LRRC4C: variants seen among roughly 807,000 people sequenced by gnomAD.
The protein encoded by LRRC4C is leucine rich repeat containing 4C.
LRRC4C carries 5 observed loss-of-function variants against 33.6 expected under a neutral mutation model. That is an observed-to-expected ratio of 0.15 (90% CI 0.08 to 0.31). The LOEUF (loss-of-function observed/expected upper bound fraction) is 0.31. Ranked by LOEUF, LRRC4C falls within the 10% of genes least tolerant of loss-of-function variation. The probability of loss-of-function intolerance (pLI) is 1.00; values close to 1 mark genes in which losing one functional copy is unlikely to be tolerated. For synonymous variants in LRRC4C, 329 were observed against 302.0 expected (o/e 1.09, Z -0.93); for missense variants, 560 against 796.7 (o/e 0.70, Z 3.58).
intron 1 of LRRC4C, among the ~76,000 whole-genome samples, chr11:40,979,860 C>T (rs889132031): frequency 6.6e-6 from 1 of 152,136 alleles, no homozygotes; most frequent in East Asian, 1.9e-4. Flanking sequence ...ATTATCTCTG[C>T]TTTTCTTGAT....
intron 1 of LRRC4C, among the ~76,000 whole-genome samples, chr11:41,268,107 G>A (rs2136806172): frequency 6.6e-6 from 1 of 152,132 alleles, no homozygotes; most frequent in African/African-American, 2.4e-5. Context: ...ACTAACACCT[G>A]GCTACACTAC....
intron 3 of LRRC4C, among the ~76,000 whole-genome samples, chr11:40,524,719 T>G (rs1443361224): frequency 6.6e-6 from 1 of 152,214 alleles, no homozygotes; most frequent in Non-Finnish European, 1.5e-5. Flanking sequence ...TCATTCAATT[T>G]GTTTGTTCAT....
intron 1 of LRRC4C, among the ~76,000 whole-genome samples, chr11:41,442,605 G>A (rs569302830): frequency 1.3e-5 from 2 of 151,194 alleles, no homozygotes; most frequent in African/African-American, 4.9e-5. Flanking sequence ...GAGTAGCTGG[G>A]ACTACAGGCG....
intron 4 of LRRC4C, among the ~76,000 whole-genome samples, chr11:40,278,392 G>C (rs1470533794): frequency 2.0e-5 from 3 of 152,138 alleles, no homozygotes; most frequent in African/African-American, 7.2e-5. Flanking sequence ...CTATGGCCGG[G>C]ACAAGTGACC....
rs530050804 is a variant in LRRC4C at position 41,409,525 on chromosome 11, G to T, written c.-496+49906C>A. Among the ~76,000 whole-genome samples the T allele has an allele frequency of 1.0e-3, 157 of 152,130 alleles. 6 individuals are homozygous for T. The South Asian group carries it at 0.031, about 30-fold the overall frequency. On this transcript the variant is annotated intron_variant, in intron 1 of 6. Transcript: ENST00000528697. ...CAACATTATGAGAATTTACTATTGGGTTCCCTATTTTACAACTGATGAAAC... is the reference window on the plus strand; with the variant it reads ...CAACATTATGAGAATTTACTATTGGTTTCCCTATTTTACAACTGATGAAAC...
intron 2 of LRRC4C, among the ~76,000 whole-genome samples, chr11:40,741,426 T>A (rs10837492): frequency 6.6e-6 from 1 of 151,936 alleles, no homozygotes; most frequent in Non-Finnish European, 1.5e-5. Flanking sequence ...ACTGGATGCC[T>A]GAACAGCGCA....
rs116133342 is a variant in LRRC4C, at chr11:40,624,505, A to G, written c.-270+23637T>C. On this transcript the variant is annotated intron_variant, in intron 3 of 6. Coordinates refer to ENST00000528697, the MANE Select transcript of LRRC4C (RefSeq NM_001258419.2). Reference sequence around the variant, plus strand: ...AGCAATCATTGATAGATACCAAGTCAGTCTTAATGTGCCCCAAATGGTTTC... The same window carrying G: ...AGCAATCATTGATAGATACCAAGTCGGTCTTAATGTGCCCCAAATGGTTTC... Among the ~76,000 whole-genome samples, 413 of 152,256 alleles carry G rather than the reference A, an allele frequency of 2.7e-3. 1 individual carries two copies. Among genetic ancestry groups the G allele is most frequent in the African/African-American group, 9.4e-3 (391 of 41,548 alleles).
At chr11:40,322,691 T>G (rs1945911969) in intron 3 of LRRC4C, among the ~76,000 whole-genome samples, 1 of 152,112 alleles carries the variant, frequency 6.6e-6, no homozygotes, top group Non-Finnish European at 1.5e-5. Context: ...GAAAAGTGGC[T>G]TCATCTTTCT....
intron 4 of LRRC4C, among the ~76,000 whole-genome samples, chr11:40,300,321 G>A (rs1397218137): frequency 6.6e-6 from 1 of 152,144 alleles, no homozygotes; most frequent in Non-Finnish European, 1.5e-5. Context: ...TATCAGAAAC[G>A]CTAATGTGTT....
chr11:40,696,225 C>G (rs1945503282), intron 2 of LRRC4C, among the ~76,000 whole-genome samples: 1 of 143,744 alleles, frequency 7.0e-6, no homozygotes, highest in African/African-American at 2.6e-5. Context: ...ATGAATTAGC[C>G]AACAACTTCA....
At chr11:40,527,450 A>C (rs1956099058) in intron 3 of LRRC4C, among the ~76,000 whole-genome samples, 1 of 152,190 alleles carries the variant, frequency 6.6e-6, no homozygotes, top group African/African-American at 2.4e-5. Flanking sequence ...TGATGTAAGA[A>C]AGTGAAAAAA....
At chr11:41,393,202 T>A (rs1014180491) in intron 1 of LRRC4C, among the ~76,000 whole-genome samples, 2 of 151,856 alleles carry the variant, frequency 1.3e-5, no homozygotes, top group Admixed American at 6.6e-5. Context: ...TTCTTATACA[T>A]CAAAATTAAT....
intron 1 of LRRC4C, among the ~76,000 whole-genome samples, chr11:41,428,997 C>T (rs539796470): frequency 4.5e-4 from 69 of 152,194 alleles, no homozygotes; most frequent in South Asian, 3.7e-3. Context: ...TTGGCTGTGT[C>T]CCCAGTCAAA....
At chr11:41,203,049 G>A (rs1295647956) in intron 1 of LRRC4C, among the ~76,000 whole-genome samples, 9 of 152,198 alleles carry the variant, frequency 5.9e-5, no homozygotes, top group Non-Finnish European at 1.0e-4. Context: ...GCCTCCCAAG[G>A]TGCTGGGATA....
intron 1 of LRRC4C, among the ~76,000 whole-genome samples, chr11:41,186,833 G>A (rs547741147): frequency 6.6e-6 from 1 of 152,220 alleles, no homozygotes; most frequent in East Asian, 1.9e-4. Flanking sequence ...AGTCACGTGT[G>A]CCTTGTTTCC....
chr11:40,802,871 A>G (rs181017742), intron 2 of LRRC4C, among the ~76,000 whole-genome samples: 1 of 152,366 alleles, frequency 6.6e-6, no homozygotes, highest in African/African-American at 2.4e-5. Flanking sequence ...GACATTGCCC[A>G]TCACAGTGGT....
intron 1 of LRRC4C, among the ~76,000 whole-genome samples, chr11:41,428,596 TTGAG>T (rs1365625439): frequency 3.3e-5 from 5 of 152,094 alleles, no homozygotes; most frequent in Admixed American, 3.3e-4. Flanking sequence ...ACAGAAAGGT[TTGAG>T]TGGCTGCTTG....
intron 5 of LRRC4C, among the ~76,000 whole-genome samples, chr11:40,190,359 G>A (rs1158772340): frequency 6.6e-6 from 1 of 152,120 alleles, no homozygotes; most frequent in Non-Finnish European, 1.5e-5. Flanking sequence ...TTGGAGGTGG[G>A]GCAAAGAGAA....
At chr11:40,894,460 TA>T (rs1955850707) in intron 2 of LRRC4C, among the ~76,000 whole-genome samples, 1 of 152,186 alleles carries the variant, frequency 6.6e-6, no homozygotes, top group African/African-American at 2.4e-5. Context: ...TTTACAGAGA[TA>T]TTGACACTGA....
Sources: allele counts gnomAD v4.1 joint callset (sites outside exome capture counted in the v4.1 genomes callset), GRCh38; gene constraint gnomAD v4.1.1; transcripts MANE v1.5; gene names NCBI Gene and HGNC (gene_info 2026-07-23, HGNC 2026-07-21).